Variants in KSR1 observed in about 807,000 individuals in gnomAD.
KSR1 encodes the protein kinase suppressor of ras 1, also known as kinase suppressor of ras.
KSR1 carries 35 observed loss-of-function variants against 92.9 expected under a neutral mutation model. That is an observed-to-expected ratio of 0.38 (90% CI 0.29 to 0.50). KSR1 has a LOEUF of 0.50. KSR1 is among the 20% of genes least tolerant of loss of function. The pLI, the probability that KSR1 is intolerant of heterozygous loss-of-function variation, is 0.94. For synonymous variants in KSR1, 467 were observed against 472.6 expected, an observed-to-expected ratio of 0.99 and a Z score of 0.15; for missense variants, 972 against 1,158.5, an observed-to-expected ratio of 0.84 and a Z score of 2.34.
At chr17:27,615,786 G>A (rs1030960829) in intron 18 of KSR1, among the ~76,000 whole-genome samples, 1 of 152,160 alleles carries the variant, frequency 6.6e-6, no homozygotes, top group African/African-American at 2.4e-5. Flanking sequence ...AGTGAAACCT[G>A]AAAAAACTGC....
intron 1 of KSR1, among the ~76,000 whole-genome samples, chr17:27,463,988 A>C (rs2019564642): frequency 6.6e-6 from 1 of 152,110 alleles, no homozygotes; most frequent in Non-Finnish European, 1.5e-5. Flanking sequence ...CTTGCCAGGA[A>C]CCCCTGTTAA....
At chr17:27,552,969 T>G (rs1162794948) in intron 2 of KSR1, among the ~76,000 whole-genome samples, 3 of 152,150 alleles carry the variant, frequency 2.0e-5, no homozygotes, top group Admixed American at 2.0e-4. Flanking sequence ...AAGCTAGCAC[T>G]CAGTGGGTAT....
intron 9 of KSR1, among the ~76,000 whole-genome samples, chr17:27,594,756 C>T (rs1776883068): frequency 6.6e-6 from 1 of 152,056 alleles, no homozygotes; most frequent in African/African-American, 2.4e-5. Context: ...CCCCTGCCCA[C>T]CCCACATTCC....
intron 1 of KSR1, among the ~76,000 whole-genome samples, chr17:27,524,426 T>C (rs2070167245): frequency 6.6e-6 from 1 of 151,998 alleles, no homozygotes; most frequent in South Asian, 2.1e-4. Context: ...AAGGGGGAGC[T>C]GAAGAGAAAG....
chr17:27,461,162 A>G (rs1287479963), intron 1 of KSR1, among the ~76,000 whole-genome samples: 1 of 152,080 alleles, frequency 6.6e-6, no homozygotes, highest in Admixed American at 6.5e-5. Context: ...GATCACTGCA[A>G]TCTCAGCCTC....
At position 27,484,693 on chromosome 17, in the gene KSR1, C is replaced by T. The variant is rs866629146; in HGVS notation, c.231+27819C>T. 2.6e-4 allele frequency among the ~76,000 whole-genome samples: 23 copies of T among 86,836 alleles called. 1 individual carries two copies. Among genetic ancestry groups the T allele is most frequent in the Non-Finnish European group, 1.6e-4 (7 of 43,102 alleles). 57.0% of individuals were successfully genotyped at this position (86,836 alleles called of 152,430 possible). A position where few individuals can be genotyped will look rare whatever the true frequency, so the allele number is the denominator to read the frequency against. On this transcript the variant is annotated intron_variant, in intron 1 of 20. Coordinates refer to ENST00000644974, the MANE Select transcript of KSR1 (RefSeq NM_001394583.1). ...TTGAGGTCCTGCGAGGGAGGGAGGGCGGGCAGGTGCACAGAGAGGGAAACA... is the reference window on the plus strand; with the variant it reads ...TTGAGGTCCTGCGAGGGAGGGAGGGTGGGCAGGTGCACAGAGAGGGAAACA...
At chr17:27,544,553 C>T (rs1331847669) in intron 1 of KSR1, among the ~76,000 whole-genome samples, 3 of 152,242 alleles carry the variant, frequency 2.0e-5, no homozygotes, top group Non-Finnish European at 2.9e-5. Flanking sequence ...GTAAGTCAGA[C>T]TCTGGTCAGG....
chr17:27,579,470 G>C (rs768724585), intron 3 of KSR1: 1 of 152,208 alleles, frequency 6.6e-6, no homozygotes, highest in Non-Finnish European at 1.5e-5. Context: ...ATGAGTTAAC[G>C]TAAAGTCCTT....
chr17:27,542,393 G>T (rs2070997935), intron 1 of KSR1, among the ~76,000 whole-genome samples: 1 of 152,136 alleles, frequency 6.6e-6, no homozygotes, highest in Admixed American at 6.5e-5. Context: ...TTAACCCCCT[G>T]CCCTGCTTCT....
chr17:27,476,388 G>A (rs1338970287), intron 1 of KSR1, among the ~76,000 whole-genome samples: 2 of 152,334 alleles, frequency 1.3e-5, no homozygotes, highest in East Asian at 3.9e-4. Flanking sequence ...GGGTAGAGCT[G>A]GCTTGGCACC....
intron 1 of KSR1, among the ~76,000 whole-genome samples, chr17:27,494,860 G>T (rs1014050990): frequency 1.3e-5 from 2 of 152,224 alleles, no homozygotes; most frequent in African/African-American, 2.4e-5. Flanking sequence ...CGCTGACTCA[G>T]TGTGGCCTGC....
chr17:27,606,984 A>G (rs777231426), intron 14 of KSR1, among the ~76,000 whole-genome samples: 2 of 152,004 alleles, frequency 1.3e-5, no homozygotes, highest in Non-Finnish European at 1.5e-5. Context: ...GCCGTGTGCC[A>G]CCACGCCTCG....
At chr17:27,617,092 A>T (rs1049448997) in intron 18 of KSR1, among the ~76,000 whole-genome samples, 1 of 152,114 alleles carries the variant, frequency 6.6e-6, no homozygotes, top group Non-Finnish European at 1.5e-5. Context: ...AGGTAATCTC[A>T]TGCATTCCAT....
chr17:27,533,735 G>A (rs1205345646), intron 1 of KSR1, among the ~76,000 whole-genome samples: 1 of 152,184 alleles, frequency 6.6e-6, no homozygotes, highest in Non-Finnish European at 1.5e-5. Context: ...ATCTATGGAT[G>A]CAGAACCCAC....
At chr17:27,479,458 C>G (rs906259948) in intron 1 of KSR1, among the ~76,000 whole-genome samples, 1 of 152,202 alleles carries the variant, frequency 6.6e-6, no homozygotes, top group African/African-American at 2.4e-5. Context: ...CACCCCTCAC[C>G]TCTCTTTGCT....
intron 1 of KSR1, among the ~76,000 whole-genome samples, chr17:27,538,537 G>C (rs891515401): frequency 2.6e-5 from 4 of 152,218 alleles, no homozygotes; most frequent in African/African-American, 9.6e-5. Context: ...GAATCATCAT[G>C]ATGGCTGTGC....
chr17:27,477,112 C>T (rs8077957), intron 1 of KSR1, among the ~76,000 whole-genome samples: 51,249 of 152,014 alleles, frequency 0.34, 9,801 homozygotes, highest in African/African-American at 0.52. Context: ...AGTGTCATGG[C>T]GCTGGTGGGA....
chr17:27,553,409 A>G (rs182457396), intron 2 of KSR1, among the ~76,000 whole-genome samples: 1 of 152,174 alleles, frequency 6.6e-6, no homozygotes, highest in Admixed American at 6.5e-5. Context: ...AGATAGCGGG[A>G]GTCAGCCCAG....
intron 14 of KSR1, 109 bp downstream of exon 14, chr17:27,605,922 A>G: frequency 1.4e-6 from 2 of 1,434,212 alleles, no homozygotes; most frequent in Admixed American, 2.6e-5. Context: ...TAATAGAGGC[A>G]TAAAGAAGAA....
Sources: gnomAD v4.1 joint callset for allele counts (sites outside exome capture counted in the v4.1 genomes callset) on GRCh38, gnomAD v4.1.1 for gene constraint, MANE v1.5 for transcripts, NCBI Gene and HGNC (gene_info 2026-07-23, HGNC 2026-07-21) for gene names.